DMXL1: variants seen among roughly 807,000 people sequenced by gnomAD.
DMXL1 encodes dmX-like protein 1.
DMXL1 carries 99 observed loss-of-function variants against 319.2 expected under a neutral mutation model. That is an observed-to-expected ratio of 0.31 (90% CI 0.26 to 0.37). The LOEUF (loss-of-function observed/expected upper bound fraction) is 0.37, where lower values mean the gene tolerates loss of function less well. DMXL1 is among the 10% of genes least tolerant of loss of function. DMXL1 has a pLI of 1.00. For missense variants in DMXL1, 3,745 were observed against 3,595.6 expected, an observed-to-expected ratio of 1.04 and a Z score of -1.06; for synonymous variants, 1,385 against 1,235.2, an observed-to-expected ratio of 1.12 and a Z score of -2.54.
At position 119,224,751 on chromosome 5, in the gene DMXL1, C is replaced by A; in HGVS notation, c.8320C>A (p.His2774Asn). ...TAATAATGTTAGAAGAATGACTTCT[C>A]ATCCAACTCTTCCTTACTGTAAGTT... is the stretch of plus-strand genomic sequence containing the variant. ...AINNVRRMTS[H>N]PTLPYYLTGA... The change falls in exon 38 of 44, where the codon CAT becomes AAT. Residue 2774 changes from histidine to asparagine, a missense_variant. His to Asn is a moderately conservative substitution (Grantham distance 68, BLOSUM62 1). This residue lies in a region of DMXL1 where 1,382 missense variants were observed against 1,269.5 expected (regional missense o/e 1.09). Transcript: ENST00000539542. The A allele has an allele frequency of 1.5e-6, 2 of 1,313,282 alleles. No individual in the cohort carries two copies. Among genetic ancestry groups the A allele is most frequent in the East Asian group, 2.8e-5 (1 of 36,130 alleles). The allele number at this position is 1,313,282 out of a possible 1,614,324, so 81.4% of individuals were successfully genotyped here.
rs1272653761 is a variant in DMXL1, at chr5:119,178,240, A to C, written c.7131A>C (p.Leu2377Phe). 1.2e-6 allele frequency: 2 copies of C among 1,610,820 alleles called. No homozygotes were observed. Among genetic ancestry groups the C allele is most frequent in the African/African-American group, 1.3e-5 (1 of 74,776 alleles). ...AAGAACAGACACATTCAAAAACTTT[A>C]CCTGGTGAGTTTAAAAAATTTTTTT... Reference protein sequence around the residue: ...PSKEQTHSKTLPVSSLVEEGE... With the variant: ...PSKEQTHSKTFPVSSLVEEGE... The change falls in exon 28 of 44, where the codon TTA becomes TTC. Residue 2377 changes from leucine to phenylalanine, a missense_variant. Leu to Phe is a conservative substitution (Grantham distance 22, BLOSUM62 0). Around this residue, in one of 4 missense-constraint regions of DMXL1, gnomAD observed 1,382 missense variants for 1,269.5 expected, o/e 1.09. Transcript: ENST00000539542.
At chr5:119,244,963 A>G (rs967880712) in intron 43 of DMXL1, among the ~76,000 whole-genome samples, 1 of 152,192 alleles carries the variant, frequency 6.6e-6, no homozygotes, top group Admixed American at 6.5e-5. Context: ...ATTATTATCT[A>G]GTCCCTCAGT....
intron 31 of DMXL1, 149 bp downstream of exon 31, chr5:119,196,605 A>T: frequency 3.2e-6 from 2 of 625,526 alleles, no homozygotes; most frequent in Non-Finnish European, 5.6e-6. Flanking sequence ...TAAACCAACC[A>T]TCTGTAAATG....
rs112039696 is a variant in DMXL1, at chr5:119,190,178, T to G, written c.7314+292T>G. On this transcript the variant is annotated intron_variant, in intron 29 of 43. Coordinates refer to ENST00000539542, the MANE Select transcript of DMXL1 (RefSeq NM_001290321.3). ...AGAGAATTTGCGTAACATCTTCATGTTAATGTACTTGATGGTGATTAAGGA... is the reference window on the plus strand; with the variant it reads ...AGAGAATTTGCGTAACATCTTCATGGTAATGTACTTGATGGTGATTAAGGA... Among the ~76,000 whole-genome samples, 1,050 of 152,336 alleles carry G rather than the reference T, an allele frequency of 6.9e-3. 2 individuals carry two copies. The highest frequency in any genetic ancestry group is 0.012 in the Non-Finnish European group (795 of 68,032).
chr5:119,159,002 ACTTTT>A (rs1004515325), intron 19 of DMXL1, among the ~76,000 whole-genome samples: 6 of 152,020 alleles, frequency 3.9e-5, no homozygotes, highest in African/African-American at 1.5e-4. Flanking sequence ...AAAAAGAGGA[ACTTTT>A]CTTTCCTTTC....
chr5:119,196,511 T>TGTA, intron 31 of DMXL1, 55 bp downstream of exon 31: 2 of 1,068,156 alleles, frequency 1.9e-6, no homozygotes, highest in Non-Finnish European at 2.7e-6. Context: ...CTTACTACTC[T>TGTA]GTTGTTTTTT....
rs776108493 is a variant in DMXL1, at chr5:119,166,766, C to T, written c.5121C>T (p.Leu1707=). ...CATTTTTTCTTTTAGCTGGTTGCCT[C>T]AGAGATGCAATTGAGGTAATGAGTG... ...SAAFFLLAGC[L]RDAIEVCLEK... Residue 1707 remains leucine (L), a synonymous_variant, in exon 22 of 44, where the codon CTC becomes CTT. Transcript: ENST00000539542. 2.5e-6 allele frequency: 4 copies of T among 1,610,390 alleles called. No homozygotes were observed. Among genetic ancestry groups the T allele is most frequent in the Non-Finnish European group, 3.4e-6 (4 of 1,178,770 alleles).
intron 19 of DMXL1, among the ~76,000 whole-genome samples, chr5:119,163,884 G>A (rs1253684326): frequency 6.6e-6 from 1 of 151,820 alleles, no homozygotes; most frequent in Non-Finnish European, 1.5e-5. Flanking sequence ...CTAATTGTAC[G>A]TTTTTTGAGT....
In DMXL1 at chr5:119,173,776, G is replaced by GTGTATATATATATATA; in HGVS notation, c.6682-1484_6682-1483insGTATATATATATATAT. On this transcript the variant is annotated intron_variant, in intron 25 of 43. Coordinates refer to ENST00000539542, the MANE Select transcript of DMXL1 (RefSeq NM_001290321.3). ...TGTGTATATATATATATGTGTGTGT[G>GTGTATATATATATATA]TATATATATATATATATATATAATG... Among the ~76,000 whole-genome samples, 252 of 67,148 alleles carry GTGTATATATATATATA rather than the reference G, an allele frequency of 3.8e-3. 16 individuals carry two copies. Among genetic ancestry groups the GTGTATATATATATATA allele is most frequent in the African/African-American group, 0.012 (209 of 17,996 alleles). 44.1% of individuals were successfully genotyped at this position (67,148 alleles called of 152,430 possible).
chr5:119,210,735 GTTC>G (rs576034920), intron 34 of DMXL1, among the ~76,000 whole-genome samples: 214 of 102,270 alleles, frequency 2.1e-3, no homozygotes, highest in Non-Finnish European at 3.6e-3. Context: ...ATTCTTCTAA[GTTC>G]TTTTTTCTTT....
intron 3 of DMXL1, chr5:119,102,254 T>C (rs1025356931): frequency 2.8e-5 from 8 of 288,720 alleles, no homozygotes; most frequent in African/African-American, 1.6e-4. Flanking sequence ...TTTTATAATA[T>C]TTCAAGAGTC....
intron 1 of DMXL1, among the ~76,000 whole-genome samples, chr5:119,079,943 G>C (rs987258631): frequency 1.3e-5 from 2 of 152,106 alleles, no homozygotes; most frequent in East Asian, 3.8e-4. Context: ...TCCTCTTCTC[G>C]TTTCATTCTA....
At chr5:119,157,033 A>G (rs1771246317) in intron 19 of DMXL1, among the ~76,000 whole-genome samples, 1 of 149,866 alleles carries the variant, frequency 6.7e-6, no homozygotes, top group Admixed American at 6.6e-5. Flanking sequence ...TTTTTCCCCC[A>G]AGAGTTGAGG....
At chr5:119,187,320 A>G (rs989701747) in intron 28 of DMXL1, among the ~76,000 whole-genome samples, 1 of 152,218 alleles carries the variant, frequency 6.6e-6, no homozygotes, top group African/African-American at 2.4e-5. Context: ...CCATAGGGTT[A>G]GTTTGCACCC....
In DMXL1 at chr5:119,122,114, G is replaced by A. The variant is rs1234706834; in HGVS notation, c.1102+975G>A. ...TGACCCCCCCACCTCCCTCCCGGACGGGGCGGCTGGCCGGGCGGGGGGCTG... is the reference window on the plus strand; with the variant it reads ...TGACCCCCCCACCTCCCTCCCGGACAGGGCGGCTGGCCGGGCGGGGGGCTG... On this transcript the variant is annotated intron_variant, in intron 9 of 43. Coordinates refer to ENST00000539542, the MANE Select transcript of DMXL1 (RefSeq NM_001290321.3). 6.4e-5 allele frequency among the ~76,000 whole-genome samples: 9 copies of A among 141,570 alleles called. No individual in the cohort carries two copies. The South Asian group carries it at 6.8e-4, about 11-fold the overall frequency. 92.9% of individuals were successfully genotyped at this position (141,570 alleles called of 152,430 possible).
At chr5:119,141,846 G>T (rs996792248) in intron 13 of DMXL1, among the ~76,000 whole-genome samples, 2 of 152,074 alleles carry the variant, frequency 1.3e-5, no homozygotes, top group Admixed American at 6.6e-5. Context: ...GAGGTATCAT[G>T]TTACCCGACT....
chr5:119,202,951 C>T (rs1781092930), intron 32 of DMXL1, among the ~76,000 whole-genome samples: 1 of 141,416 alleles, frequency 7.1e-6, no homozygotes, highest in Non-Finnish European at 1.5e-5. Flanking sequence ...TCAGGTTATG[C>T]ATATAAGATG....
At chr5:119,126,481 C>A (rs1307524340) in intron 9 of DMXL1, among the ~76,000 whole-genome samples, 3 of 152,074 alleles carry the variant, frequency 2.0e-5, no homozygotes, top group Admixed American at 6.6e-5. Flanking sequence ...ATAAAATATT[C>A]TCTTGCATTA....
intron 10 of DMXL1, 32 bp downstream of exon 10, chr5:119,129,455 T>G: frequency 1.3e-6 from 2 of 1,518,768 alleles, no homozygotes; most frequent in Non-Finnish European, 1.8e-6. Flanking sequence ...AAATTTAAAG[T>G]TTTGCTCAAA....
Sources: allele counts gnomAD v4.1 joint callset (sites outside exome capture counted in the v4.1 genomes callset), GRCh38; gene constraint gnomAD v4.1.1; regional missense constraint gnomAD v4.1.1; transcripts MANE v1.5; gene names NCBI Gene and HGNC (gene_info 2026-07-23, HGNC 2026-07-21).